The following MEI1 variants were observed in gnomAD, a reference collection of about 807,000 sequenced individuals.
The protein encoded by MEI1 is meiosis inhibitor protein 1.
Under a neutral mutation model 146.2 loss-of-function variants are expected in MEI1, and 103 were observed. The observed-to-expected ratio is 0.70, with a 90% CI of 0.60 to 0.83. MEI1 has a LOEUF of 0.83. Ranked by LOEUF, MEI1 falls within the 40% of genes least tolerant of loss-of-function variation. The probability of loss-of-function intolerance (pLI) is 0.00; values close to 1 mark genes in which losing one functional copy is unlikely to be tolerated. For missense variants in MEI1, 1,529 were observed against 1,533.0 expected, an observed-to-expected ratio of 1.00 and a Z score of 0.04; for synonymous variants, 652 against 628.2, an observed-to-expected ratio of 1.04 and a Z score of -0.57.
intron 9 of MEI1, 78 bp from the exon 10 acceptor site, chr22:41,732,167 C>T (rs961788445): frequency 1.7e-6 from 2 of 1,152,822 alleles, no homozygotes; most frequent in Non-Finnish European, 2.5e-6. Context: ...TGTCCAGAGC[C>T]TGTCACCTCT....
chr22:41,736,081 A>G (rs1027030649), intron 11 of MEI1, among the ~76,000 whole-genome samples: 3 of 152,104 alleles, frequency 2.0e-5, no homozygotes, highest in Admixed American at 1.3e-4. Context: ...AGCTTCTAAT[A>G]CGGAACACTT....
At chr22:41,781,150 G>A in intron 22 of MEI1, 134 bp from the exon 23 acceptor site, 1 of 659,766 alleles carries the variant, frequency 1.5e-6, no homozygotes, top group African/African-American at 1.8e-5. Context: ...CTTTCCATTG[G>A]TTGTAATATC....
rs755478970 is a variant in MEI1, at chr22:41,784,378, A to G, written c.3127A>G (p.Lys1043Glu). The change falls in exon 25 of 31, where the codon AAG (lysine) becomes GAG (glutamate). Residue 1043 changes from lysine to glutamate, a missense_variant. Lys to Glu is a moderately conservative substitution (Grantham distance 56). Around this residue, in one of 3 missense-constraint regions of MEI1, gnomAD observed 313 missense variants for 337.3 expected, o/e 0.93. Transcript: ENST00000401548. ...CTCTGTGGAAATGGACCAAGTATTG[A>G]AGGCTCTCAGCTTTCCAAAGAAAAA... ...TLSVEMDQVL[K>E]ALSFPKKKAA... is the part of the protein sequence containing the mutation. 7 of 1,613,952 alleles carry G rather than the reference A, an allele frequency of 4.3e-6. No homozygotes were observed. The South Asian group carries it at 7.7e-5, about 18-fold the overall frequency.
At chr22:41,725,596 A>T (rs996471397) in intron 7 of MEI1, among the ~76,000 whole-genome samples, 5 of 152,166 alleles carry the variant, frequency 3.3e-5, no homozygotes, top group Admixed American at 1.3e-4. Context: ...CCCACAACCC[A>T]GTGCTCCAGC....
rs750962239 is a variant in MEI1 at position 41,718,127 on chromosome 22, G to A, written c.586G>A (p.Ala196Thr). Reference protein sequence around the residue: ...GLVYPSEGIQASVCYLYGKLY... With the variant: ...GLVYPSEGIQTSVCYLYGKLY... ...AGTATACCCCAGTGAGGGCATACAAGCTTCTGTCTGTTACCTTTATGGGAA... is the reference window on the plus strand; with the variant it reads ...AGTATACCCCAGTGAGGGCATACAAACTTCTGTCTGTTACCTTTATGGGAA... The change falls in exon 6 of 31, where the codon GCT becomes ACT. Residue 196 changes from alanine (A) to threonine (T), a missense_variant. Ala to Thr is a moderately conservative substitution (Grantham distance 58, BLOSUM62 0). Transcript: ENST00000401548. 6.2e-7 allele frequency: 1 copy of A among 1,613,702 alleles called. No individual in the cohort carries two copies. The highest frequency in any genetic ancestry group is 1.1e-5 in the South Asian group (1 of 91,052).
At chr22:41,794,531 GC>G in intron 28 of MEI1, 54 bp downstream of exon 28, 1 of 1,443,850 alleles carries the variant, frequency 6.9e-7, no homozygotes. Flanking sequence ...GCTGGGTGGT[GC>G]TGAAGAGGCC....
intron 22 of MEI1, among the ~76,000 whole-genome samples, chr22:41,779,877 C>A (rs2075666909): frequency 6.6e-6 from 1 of 152,170 alleles, no homozygotes; most frequent in Admixed American, 6.5e-5. Context: ...CAGGCAGCAC[C>A]TGCAGGAAGA....
chr22:41,794,246 G>C (rs2076288603), intron 27 of MEI1, 125 bp from the exon 28 acceptor site: 1 of 807,156 alleles, frequency 1.2e-6, no homozygotes, highest in East Asian at 2.4e-5. Context: ...CCCTCCTTGG[G>C]TCAGCTTGTT....
At chr22:41,713,042 C>A (rs569225133) in intron 3 of MEI1, among the ~76,000 whole-genome samples, 4 of 152,124 alleles carry the variant, frequency 2.6e-5, no homozygotes, top group African/African-American at 7.2e-5. Flanking sequence ...ATCTCCTGAC[C>A]TCGTGATCCG....
At chr22:41,729,073 A>G (rs190207520) in intron 7 of MEI1, among the ~76,000 whole-genome samples, 228 of 151,708 alleles carry the variant, frequency 1.5e-3, no homozygotes, top group Non-Finnish European at 2.6e-3. Context: ...CTGAGGCAGA[A>G]GAATCGCTTG....
At chr22:41,752,104 A>T (rs1255025047) in intron 15 of MEI1, among the ~76,000 whole-genome samples, 1 of 151,842 alleles carries the variant, frequency 6.6e-6, no homozygotes, top group Non-Finnish European at 1.5e-5. Context: ...CTGTTATTGG[A>T]CCTCTGTTCT....
chr22:41,781,449 G>A, intron 23 of MEI1, 55 bp downstream of exon 23: 1 of 1,410,992 alleles, frequency 7.1e-7, no homozygotes, highest in Non-Finnish European at 9.8e-7. Flanking sequence ...GTGGTCCTCT[G>A]TATCTCAACT....
In MEI1 at chr22:41,784,323, C is replaced by T. The variant is rs771638733; in HGVS notation, c.3088-16C>T. ...CCAGAACATGGGGGTTAGCCCTTTA[C>T]CCTGTGCCCTGCCAGGTTCACCAGA... On this transcript the variant is annotated splice_polypyrimidine_tract_variant and intron_variant, in intron 24 of 30. Transcript: ENST00000401548. 2 of 1,612,062 alleles carry T rather than the reference C, an allele frequency of 1.2e-6. No individual in the cohort carries two copies. The highest frequency in any genetic ancestry group is 1.7e-6 in the Non-Finnish European group (2 of 1,178,876).
At position 41,716,077 on chromosome 22, in the gene MEI1, A is replaced by T. The variant is rs1181721006; in HGVS notation, c.460A>T (p.Thr154Ser). Residue 154 changes from threonine to serine, a missense_variant, in exon 5 of 31, where the codon ACC becomes TCC. Thr to Ser is a moderately conservative substitution (Grantham distance 58). Around this residue, in one of 3 missense-constraint regions of MEI1, gnomAD observed 1,212 missense variants for 1,178.9 expected, o/e 1.03. Transcript: ENST00000401548. Reference protein sequence around the residue: ...NMPSMRGSLATLTLLGKLVDA... With the variant: ...NMPSMRGSLASLTLLGKLVDA... ...GCCCTCCATGCGAGGCAGCCTGGCC[A>T]CCCTGACCCTTCTTGGCAAGTTGGT... is the stretch of plus-strand genomic sequence containing the variant. 1 of 1,611,902 alleles carries T rather than the reference A, an allele frequency of 6.2e-7. No individual in the cohort carries two copies. The highest frequency in any genetic ancestry group is 8.5e-7 in the Non-Finnish European group (1 of 1,179,094).
chr22:41,702,330 G>T (rs8135331), intron 1 of MEI1, among the ~76,000 whole-genome samples: 11,072 of 151,850 alleles, frequency 0.073, 1,311 homozygotes, highest in African/African-American at 0.25. Flanking sequence ...TAGTAGAGAA[G>T]AGGTTTCACC....
At chr22:41,719,428 C>G (rs1465765939) in intron 6 of MEI1, among the ~76,000 whole-genome samples, 1 of 152,172 alleles carries the variant, frequency 6.6e-6, no homozygotes, top group Admixed American at 6.5e-5. Context: ...TTCAGGTGAT[C>G]TGCCCACCTT....
intron 20 of MEI1, among the ~76,000 whole-genome samples, chr22:41,772,561 ATCC>A (rs2075240104): frequency 1.3e-5 from 2 of 152,304 alleles, no homozygotes; most frequent in East Asian, 3.9e-4. Context: ...GGCTCCAGCG[ATCC>A]TCCCACCATG....
In MEI1 at chr22:41,723,962, GAAGTATGATCTCT is replaced by G; in HGVS notation, c.754_766del (p.Lys252LeufsTer4). 6.2e-7 allele frequency: 1 copy of G among 1,606,326 alleles called. No individual in the cohort carries two copies. Among genetic ancestry groups the G allele is most frequent in the Non-Finnish European group, 8.5e-7 (1 of 1,176,302 alleles). ...TCCTAGGTTTGCTGAGGCAGCTGTT[GAAGTATGATCTCT>G]TTGTGTCCATGATCATGAACCAGGA... On this transcript the variant is annotated frameshift_variant, in exon 7 of 31. Coordinates refer to ENST00000401548, the MANE Select transcript of MEI1 (RefSeq NM_152513.4). LOFTEE classifies it high-confidence loss of function.
intron 1 of MEI1, among the ~76,000 whole-genome samples, chr22:41,702,485 T>C (rs1298707641): frequency 6.6e-6 from 1 of 151,534 alleles, no homozygotes; most frequent in Non-Finnish European, 1.5e-5. Context: ...GTTTTCCTCT[T>C]GTCCAGGCTG....
Sources: allele counts gnomAD v4.1 joint callset (sites outside exome capture counted in the v4.1 genomes callset), GRCh38; gene constraint gnomAD v4.1.1; regional missense constraint gnomAD v4.1.1; transcripts MANE v1.5; gene names NCBI Gene and HGNC (gene_info 2026-07-23, HGNC 2026-07-21).